ABCA4: variants seen among roughly 807,000 people sequenced by gnomAD.
ABCA4 encodes the protein ATP binding cassette subfamily A member 4.
In ABCA4, 196 loss-of-function variants were observed where a neutral mutation model predicts 263.7. The ratio of observed to expected loss-of-function variants is 0.74; its 90% confidence interval spans 0.66 to 0.84. ABCA4 has a LOEUF of 0.84. Ranked by LOEUF, ABCA4 falls within the 40% of genes least tolerant of loss-of-function variation. ABCA4 has a pLI of 0.00. For synonymous variants in ABCA4, 1,133 were observed against 1,094.2 expected, an observed-to-expected ratio of 1.04 and a Z score of -0.70; for missense variants, 2,792 against 2,855.1, an observed-to-expected ratio of 0.98 and a Z score of 0.50.
chr1:94,084,757 A>G (rs1661788306), intron 6 of ABCA4, among the ~76,000 whole-genome samples: 1 of 152,210 alleles, frequency 6.6e-6, no homozygotes, highest in South Asian at 2.1e-4. Context: ...CACTGGACCG[A>G]GGCATTTGTC....
chr1:94,083,454 G>C lies in ABCA4; in HGVS notation c.769-13C>G. On this transcript the variant is annotated splice_polypyrimidine_tract_variant and intron_variant, in intron 6 of 49. Coordinates refer to ENST00000370225, the MANE Select transcript of ABCA4 (RefSeq NM_000350.3). ...GGAGTGTGGGAAGCTGTAATTGACA[G>C]TAAAACAATTTTTTAAATATATATA... 6.3e-7 allele frequency: 1 copy of C among 1,596,600 alleles called. No homozygotes were observed. Among genetic ancestry groups the C allele is most frequent in the Non-Finnish European group, 8.6e-7 (1 of 1,164,898 alleles).
At chr1:94,067,906 G>C (rs1661313261) in intron 11 of ABCA4, among the ~76,000 whole-genome samples, 2 of 152,116 alleles carry the variant, frequency 1.3e-5, no homozygotes, top group South Asian at 4.1e-4. Context: ...TAACCACTAT[G>C]GTATACCAAA....
chr1:94,005,675 G>A (rs984955918), intron 43 of ABCA4, 93 bp from the exon 44 acceptor site: 12 of 1,288,510 alleles, frequency 9.3e-6, no homozygotes, highest in African/African-American at 8.8e-5. Flanking sequence ...AACGGGAAAA[G>A]GAAGCTGCTT....
At chr1:94,115,900 G>C (rs3789442) in intron 1 of ABCA4, among the ~76,000 whole-genome samples, 31,874 of 152,026 alleles carry the variant, frequency 0.21, 3,413 homozygotes, top group Middle Eastern at 0.23. Context: ...CATGGTGCTT[G>C]CTAAGAAACC....
chr1:94,078,569 C>A, intron 10 of ABCA4, 21 bp downstream of exon 10: 2 of 1,060,282 alleles, frequency 1.9e-6, no homozygotes, highest in South Asian at 2.5e-5. Context: ...CCTCCCCTCC[C>A]CATCCTCCAA....
chr1:94,019,218 G>A (rs1354461567), intron 36 of ABCA4, among the ~76,000 whole-genome samples: 5 of 151,782 alleles, frequency 3.3e-5, no homozygotes, highest in African/African-American at 1.2e-4. Context: ...AAGGGGACTT[G>A]GGGTGAAAGA....
At chr1:94,120,904 CACCACCCCA>C in intron 1 of ABCA4, 67 bp downstream of exon 1, 1 of 953,552 alleles carries the variant, frequency 1.0e-6, no homozygotes, top group Non-Finnish European at 1.6e-6. Context: ...CACCCTACCC[CACCACCCCA>C]CCCCACACTT....
chr1:94,008,676 T>C, intron 41 of ABCA4, 75 bp downstream of exon 41: 2 of 1,604,810 alleles, frequency 1.2e-6, no homozygotes, highest in Non-Finnish European at 1.7e-6. Context: ...TCAATTGTTC[T>C]ATAGAAGGAA....
chr1:94,061,168 G>C (rs1240593117), intron 13 of ABCA4, among the ~76,000 whole-genome samples: 1 of 152,218 alleles, frequency 6.6e-6, no homozygotes, highest in Non-Finnish European at 1.5e-5. Context: ...GCAAGTGGTG[G>C]TGGTAAGAGC....
intron 13 of ABCA4, among the ~76,000 whole-genome samples, chr1:94,061,055 A>G (rs778531788): frequency 1.3e-5 from 2 of 152,218 alleles, no homozygotes; most frequent in Non-Finnish European, 1.5e-5. Flanking sequence ...CTTCCCTGTA[A>G]GGCCTTGCAA....
chr1:94,023,911 A>G (rs558101678), intron 31 of ABCA4, among the ~76,000 whole-genome samples: 1 of 152,164 alleles, frequency 6.6e-6, no homozygotes, highest in South Asian at 2.1e-4. Flanking sequence ...ACAGATGCCA[A>G]CTCTGGACCC....
chr1:94,062,070 G>A (rs1465922165), intron 13 of ABCA4, among the ~76,000 whole-genome samples: 1 of 152,142 alleles, frequency 6.6e-6, no homozygotes, highest in East Asian at 1.9e-4. Flanking sequence ...TGTCCAGGGA[G>A]GCAGGTCCTG....
intron 27 of ABCA4, among the ~76,000 whole-genome samples, chr1:94,031,462 C>G (rs1202166667): frequency 1.3e-5 from 2 of 152,132 alleles, no homozygotes; most frequent in African/African-American, 4.8e-5. Flanking sequence ...AAAAAGAGGG[C>G]AATGATTTTG....
At chr1:93,996,625 G>T (rs12070195) in intron 48 of ABCA4, among the ~76,000 whole-genome samples, 1 of 152,050 alleles carries the variant, frequency 6.6e-6, no homozygotes, top group Non-Finnish European at 1.5e-5. Context: ...ATCCTCAGGG[G>T]TTAAATGGAG....
intron 1 of ABCA4, among the ~76,000 whole-genome samples, chr1:94,116,964 C>CTT (rs1662784679): frequency 9.0e-6 from 1 of 110,842 alleles, no homozygotes; most frequent in African/African-American, 3.5e-5. Context: ...TCCTTTCTTT[C>CTT]TTTCTCTTTC....
At chr1:94,065,709 G>A (rs181533770) in intron 11 of ABCA4, among the ~76,000 whole-genome samples, 1 of 152,358 alleles carries the variant, frequency 6.6e-6, no homozygotes, top group South Asian at 2.1e-4. Flanking sequence ...GATATGGGCA[G>A]AGGAACACAG....
chr1:94,002,633 T>C (rs1346964029), intron 44 of ABCA4, among the ~76,000 whole-genome samples: 2 of 152,196 alleles, frequency 1.3e-5, no homozygotes, highest in African/African-American at 2.4e-5. Context: ...AAGCTCACCA[T>C]GCTTCTGCCT....
At chr1:94,081,548 T>C (rs1348912331) in intron 7 of ABCA4, among the ~76,000 whole-genome samples, 1 of 152,266 alleles carries the variant, frequency 6.6e-6, no homozygotes, top group Non-Finnish European at 1.5e-5. Context: ...ATTTTACCAA[T>C]GAATTCTTCC....
rs186195336 is a variant in ABCA4 at position 94,115,749 on chromosome 1, C to T, written c.67-2683G>A. ...ATTTGTTATTGCCTTACAGGGTTGT[C>T]GCAAGATCACAGGGTTGTTGCAAAG... On this transcript the variant is annotated intron_variant, in intron 1 of 49. Transcript: ENST00000370225. 7.2e-5 allele frequency among the ~76,000 whole-genome samples: 11 copies of T among 152,182 alleles called. 1 individual carries two copies. The highest frequency in any genetic ancestry group is 2.1e-4 in the South Asian group (1 of 4,818).
Sources: allele counts gnomAD v4.1 joint callset (sites outside exome capture counted in the v4.1 genomes callset), GRCh38; gene constraint gnomAD v4.1.1; transcripts MANE v1.5; gene names NCBI Gene and HGNC (gene_info 2026-07-23, HGNC 2026-07-21).